Variants in PLD1 observed in about 807,000 individuals in gnomAD.
The protein encoded by PLD1 is phospholipase D1.
Under a neutral mutation model 137.1 loss-of-function variants are expected in PLD1, and 112 were observed. That is an observed-to-expected ratio of 0.82 (90% CI 0.70 to 0.96). PLD1 has a LOEUF of 0.96. PLD1 is among the 40% of genes least tolerant of loss of function. The pLI, the probability that PLD1 is intolerant of heterozygous loss-of-function variation, is 0.00. For missense variants in PLD1, 1,321 were observed against 1,342.0 expected (o/e 0.98, Z 0.24); for synonymous variants, 431 against 454.7 (o/e 0.95, Z 0.66).
At chr3:171,764,886 A>AGGAAG (rs1397521909) in intron 1 of PLD1, among the ~76,000 whole-genome samples, 4 of 26,836 alleles carry the variant, frequency 1.5e-4, no homozygotes, top group African/African-American at 6.5e-4. Flanking sequence ...AAAGAAAGAA[A>AGGAAG]GAAAGAAAGG....
rs533142223 is a variant in PLD1 at position 171,605,238 on chromosome 3, T to A, written c.3000+61A>T. The stretch of plus-strand genomic sequence containing the variant: ...TACCAATAATATGCAGAAATAACAA[T>A]ATGCTTTTTGTGATGAGATTCAGTG... On this transcript the variant is annotated intron_variant, in intron 26 of 26. Coordinates refer to ENST00000351298, the MANE Select transcript of PLD1 (RefSeq NM_002662.5). 35 of 953,328 alleles carry A rather than the reference T, an allele frequency of 3.7e-5. No individual in the cohort carries two copies. In the South Asian group the frequency reaches 4.4e-4, roughly 12 times the overall value. The allele number at this position is 953,328 out of a possible 1,614,324, so 59.1% of individuals were successfully genotyped here.
chr3:171,618,756 G>GTA (rs1733336403), intron 24 of PLD1, among the ~76,000 whole-genome samples: 1 of 143,554 alleles, frequency 7.0e-6, no homozygotes, highest in Non-Finnish European at 1.5e-5. Context: ...GTGTGTGTGT[G>GTA]TATCTCACCA....
At chr3:171,681,101 A>C (rs762986439) in intron 16 of PLD1, among the ~76,000 whole-genome samples, 10 of 152,080 alleles carry the variant, frequency 6.6e-5, no homozygotes, top group African/African-American at 1.2e-4. Flanking sequence ...CAATTCCAAA[A>C]CTCCAAAAGT....
chr3:171,722,349 G>A (rs1718192734), intron 8 of PLD1, among the ~76,000 whole-genome samples: 2 of 152,200 alleles, frequency 1.3e-5, no homozygotes, highest in South Asian at 2.1e-4. Flanking sequence ...TTAAGTTTTT[G>A]TTAAAGTGTA....
chr3:171,744,857 T>C (rs890885343), intron 1 of PLD1, among the ~76,000 whole-genome samples: 3 of 152,242 alleles, frequency 2.0e-5, no homozygotes, highest in Non-Finnish European at 4.4e-5. Context: ...GGCAGCTTTA[T>C]GCCATGGAGG....
At chr3:171,741,360 G>A (rs1297735033) in intron 1 of PLD1, among the ~76,000 whole-genome samples, 2 of 152,152 alleles carry the variant, frequency 1.3e-5, no homozygotes, top group Non-Finnish European at 2.9e-5. Context: ...TGTATTGTTG[G>A]TTTCATTCTT....
chr3:171,768,374 G>T (rs1201878454), intron 1 of PLD1, among the ~76,000 whole-genome samples: 1 of 152,192 alleles, frequency 6.6e-6, no homozygotes, highest in Non-Finnish European at 1.5e-5. Context: ...GCATGGAAAA[G>T]GCAGATGTGG....
intron 21 of PLD1, among the ~76,000 whole-genome samples, chr3:171,649,282 A>C (rs935390276): frequency 6.6e-6 from 1 of 152,206 alleles, no homozygotes; most frequent in Admixed American, 6.5e-5. Flanking sequence ...GCCCTTTGCT[A>C]TTTTACAATA....
At chr3:171,675,042 A>T (rs1713211384) in intron 18 of PLD1, among the ~76,000 whole-genome samples, 1 of 152,102 alleles carries the variant, frequency 6.6e-6, no homozygotes, top group East Asian at 1.9e-4. Flanking sequence ...TGAAAAAGAA[A>T]AAGAAAAATG....
intron 6 of PLD1, among the ~76,000 whole-genome samples, chr3:171,729,997 A>G (rs1426265694): frequency 6.6e-6 from 1 of 152,200 alleles, no homozygotes; most frequent in African/African-American, 2.4e-5. Flanking sequence ...ATACGATCCT[A>G]TCACCTTAGG....
At chr3:171,738,315 A>C (rs548650104) in intron 1 of PLD1, among the ~76,000 whole-genome samples, 3 of 149,132 alleles carry the variant, frequency 2.0e-5, no homozygotes, top group African/African-American at 4.9e-5. Flanking sequence ...AAAAAAAAAG[A>C]AAAAAAAAAG....
At chr3:171,659,416 A>G in intron 20 of PLD1, 115 bp from the exon 21 acceptor site, 1 of 663,474 alleles carries the variant, frequency 1.5e-6, no homozygotes, top group Non-Finnish European at 2.5e-6. Context: ...TGTTCTGATC[A>G]CTGAAATCAC....
Position 171,750,836 on chromosome 3 carries a change from A to T in PLD1, c.-31-12754T>A, listed in dbSNP as rs187541139. Among the ~76,000 whole-genome samples the T allele has an allele frequency of 1.2e-3, 183 of 152,344 alleles. 1 individual carries two copies. Among genetic ancestry groups the T allele is most frequent in the African/African-American group, 4.2e-3 (176 of 41,578 alleles). ...CAAATTCCTAAGAATTTCTTACAGA[A>T]CCTGACAATATGATCCTGGAATCTG... On this transcript the variant is annotated intron_variant, in intron 1 of 26. Transcript: ENST00000351298.
chr3:171,735,455 A>C, intron 4 of PLD1, 37 bp downstream of exon 4: 1 of 1,574,730 alleles, frequency 6.4e-7, no homozygotes, highest in Non-Finnish European at 8.7e-7. Flanking sequence ...TTTCCATTCA[A>C]CTTGTATACT....
chr3:171,762,710 T>A (rs2108310198), intron 1 of PLD1, among the ~76,000 whole-genome samples: 1 of 152,262 alleles, frequency 6.6e-6, no homozygotes, highest in East Asian at 1.9e-4. Context: ...GAACAATATA[T>A]GCATCTCTGG....
At chr3:171,807,830 C>CA (rs1440100286) in intron 1 of PLD1, among the ~76,000 whole-genome samples, 1 of 152,202 alleles carries the variant, frequency 6.6e-6, no homozygotes, top group African/African-American at 2.4e-5. Flanking sequence ...CCTAGATGCC[C>CA]ATCAACTATG....
intron 1 of PLD1, among the ~76,000 whole-genome samples, chr3:171,785,440 AT>A (rs11325787): frequency 0.76 from 107,069 of 140,408 alleles, 41,389 homozygotes; most frequent in Middle Eastern, 0.89. Context: ...TCCAGTGTCT[AT>A]TTTTTTTTTT....
rs78126934 is a variant in PLD1, at chr3:171,698,034, G to A, written c.1227+1711C>T. Among the ~76,000 whole-genome samples, 938 of 152,286 alleles carry A rather than the reference G, an allele frequency of 6.2e-3. 7 individuals are homozygous for A. The highest frequency in any genetic ancestry group is 0.021 in the African/African-American group (892 of 41,564). On this transcript the variant is annotated intron_variant, in intron 12 of 26. Transcript: ENST00000351298. ...TACTAGTATTAGTACAGATTGCTAC[G>A]CAAGGCTGGAAAAATGTACTAAAAT...
At chr3:171,783,588 GT>G (rs527511476) in intron 1 of PLD1, among the ~76,000 whole-genome samples, 1 of 151,894 alleles carries the variant, frequency 6.6e-6, no homozygotes, top group African/African-American at 2.4e-5. Flanking sequence ...TTTGACTCCT[GT>G]TTTTTTTATT....
Sources: allele counts gnomAD v4.1 joint callset (sites outside exome capture counted in the v4.1 genomes callset), GRCh38; gene constraint gnomAD v4.1.1; transcripts MANE v1.5; gene names NCBI Gene and HGNC (gene_info 2026-07-23, HGNC 2026-07-21).